Variants in CACNA2D3 observed in about 807,000 individuals in gnomAD.
The protein encoded by CACNA2D3 is voltage-dependent calcium channel subunit alpha-2/delta-3.
In CACNA2D3, 60 loss-of-function variants were observed where a neutral mutation model predicts 160.6. That is an observed-to-expected ratio of 0.37 (90% CI 0.30 to 0.46). The LOEUF is 0.46. Ranked by LOEUF, CACNA2D3 falls within the 20% of genes least tolerant of loss-of-function variation. The pLI is 1.00. For missense variants in CACNA2D3, 1,205 were observed against 1,365.0 expected (o/e 0.88, Z 1.85); for synonymous variants, 558 against 492.9 (o/e 1.13, Z -1.75).
intron 2 of CACNA2D3, among the ~76,000 whole-genome samples, chr3:54,233,173 T>C (rs1701808081): frequency 6.6e-6 from 1 of 152,320 alleles, no homozygotes; most frequent in African/African-American, 2.4e-5. Flanking sequence ...TAATACCATC[T>C]GATGCTTTTA....
chr3:54,638,070 TTC>T (rs1159912895), intron 10 of CACNA2D3: 2 of 151,876 alleles, frequency 1.3e-5, no homozygotes, highest in African/African-American at 2.4e-5. Context: ...TGCAACTTTT[TTC>T]TGTTATTTCA....
At chr3:54,130,864 G>A (rs1699691902) in intron 2 of CACNA2D3, among the ~76,000 whole-genome samples, 2 of 152,338 alleles carry the variant, frequency 1.3e-5, no homozygotes, top group South Asian at 4.1e-4. Context: ...AGAGGGCATA[G>A]CCTTGGAGTC....
intron 35 of CACNA2D3, among the ~76,000 whole-genome samples, chr3:55,055,570 C>T: frequency 6.6e-6 from 1 of 151,906 alleles, no homozygotes; most frequent in African/African-American, 2.4e-5. Context: ...AATTTTTTTT[C>T]TATTTCTACG....
intron 9 of CACNA2D3, among the ~76,000 whole-genome samples, chr3:54,616,012 G>A (rs769430440): frequency 1.4e-4 from 21 of 152,118 alleles, no homozygotes; most frequent in Non-Finnish European, 1.8e-4. Flanking sequence ...TTCATCCTTC[G>A]CCCTGCCCCG....
intron 27 of CACNA2D3, among the ~76,000 whole-genome samples, chr3:54,929,850 C>G (rs1226096198): frequency 2.0e-5 from 3 of 152,128 alleles, no homozygotes; most frequent in African/African-American, 7.2e-5. Flanking sequence ...TCAATGGCCC[C>G]CATTAGCATT....
In CACNA2D3 at chr3:54,765,122, C is replaced by G. The variant is rs569712958; in HGVS notation, c.1380+771C>G. Among the ~76,000 whole-genome samples the G allele has an allele frequency of 5.9e-5, 9 of 152,240 alleles. No individual in the cohort carries two copies. In the South Asian group the frequency reaches 1.9e-3, roughly 32 times the overall value. On this transcript the variant is annotated intron_variant, in intron 13 of 37. Transcript: ENST00000474759. ...TAACATCACATTAATCACTGTAACC[C>G]AGACACAGCTGTCCTCCAGAGTGAT...
chr3:55,062,342 G>C (rs1468611804), intron 35 of CACNA2D3, among the ~76,000 whole-genome samples: 2 of 150,224 alleles, frequency 1.3e-5, no homozygotes, highest in African/African-American at 4.9e-5. Flanking sequence ...TCAAACTCCT[G>C]GGGTTAAGCG....
At chr3:54,837,418 T>G (rs914408102) in intron 15 of CACNA2D3, among the ~76,000 whole-genome samples, 188 bp downstream of exon 15, 4 of 152,096 alleles carry the variant, frequency 2.6e-5, no homozygotes, top group Non-Finnish European at 5.9e-5. Context: ...TGGCATCATT[T>G]TAGAGTTGGC....
intron 17 of CACNA2D3, among the ~76,000 whole-genome samples, chr3:54,869,344 A>T (rs1160428402): frequency 6.6e-6 from 1 of 152,234 alleles, no homozygotes; most frequent in South Asian, 2.1e-4. Flanking sequence ...ATTATGGGCA[A>T]TAAATTGACC....
intron 18 of CACNA2D3, among the ~76,000 whole-genome samples, chr3:54,874,122 C>A (rs1446359954): frequency 6.6e-6 from 1 of 152,122 alleles, no homozygotes; most frequent in Non-Finnish European, 1.5e-5. Context: ...ACAGTTATAA[C>A]CTGCATACTT....
At position 54,476,243 on chromosome 3, in the gene CACNA2D3, T is replaced by A. The variant is rs1292849857; in HGVS notation, c.382-27249T>A. 6.0e-5 allele frequency among the ~76,000 whole-genome samples: 9 copies of A among 149,310 alleles called. No individual in the cohort carries two copies. In the South Asian group the frequency reaches 1.9e-3, roughly 31 times the overall value. On this transcript the variant is annotated intron_variant, in intron 4 of 37. Coordinates refer to ENST00000474759, the MANE Select transcript of CACNA2D3 (RefSeq NM_018398.3). ...ATATTAATTATATTAATATATAATATTCCTGCGTGTGTGTGTGTATATATA... is the reference window on the plus strand; with the variant it reads ...ATATTAATTATATTAATATATAATAATCCTGCGTGTGTGTGTGTATATATA...
At chr3:54,356,696 A>T (rs1414417358) in intron 3 of CACNA2D3, among the ~76,000 whole-genome samples, 1 of 152,220 alleles carries the variant, frequency 6.6e-6, no homozygotes, top group Non-Finnish European at 1.5e-5. Flanking sequence ...CACTCTAAAA[A>T]TACTGAACAA....
intron 13 of CACNA2D3, among the ~76,000 whole-genome samples, chr3:54,812,817 A>G (rs1276390390): frequency 6.6e-6 from 1 of 152,206 alleles, no homozygotes; most frequent in African/African-American, 2.4e-5. Flanking sequence ...TTGGTGAGAT[A>G]CTTAACCATT....
chr3:54,977,421 C>G (rs1026026812), intron 29 of CACNA2D3, among the ~76,000 whole-genome samples: 2 of 152,120 alleles, frequency 1.3e-5, no homozygotes, highest in African/African-American at 4.8e-5. Context: ...TTTCAATTGA[C>G]TTTATAATCT....
At chr3:54,938,054 C>T (rs1408148475) in intron 27 of CACNA2D3, among the ~76,000 whole-genome samples, 4 of 152,190 alleles carry the variant, frequency 2.6e-5, no homozygotes, top group Admixed American at 1.3e-4. Flanking sequence ...ATGAAATCCC[C>T]GTACACGTTT....
intron 2 of CACNA2D3, among the ~76,000 whole-genome samples, chr3:54,243,852 T>C (rs1463507968): frequency 6.6e-6 from 1 of 152,182 alleles, no homozygotes; most frequent in Non-Finnish European, 1.5e-5. Context: ...GAGTGGGTAA[T>C]GACACCAGCC....
At chr3:54,461,743 A>AT (rs1412504333) in intron 4 of CACNA2D3, among the ~76,000 whole-genome samples, 10 of 151,858 alleles carry the variant, frequency 6.6e-5, no homozygotes, top group Admixed American at 2.0e-4. Context: ...GGATTGATTA[A>AT]TTTTTTGAAG....
intron 2 of CACNA2D3, among the ~76,000 whole-genome samples, chr3:54,190,033 G>A (rs114748858): frequency 0.023 from 3,447 of 152,272 alleles, 62 homozygotes; most frequent in African/African-American, 0.049. Context: ...CTGAAAGTCC[G>A]AGATCAAGGG....
At chr3:54,880,890 C>T in intron 21 of CACNA2D3, 27 bp downstream of exon 21, 1 of 1,603,242 alleles carries the variant, frequency 6.2e-7, no homozygotes, top group Non-Finnish European at 8.5e-7. Flanking sequence ...CTCGTCTTAT[C>T]CTTTGGTGTG....
Sources: gnomAD v4.1 joint callset for allele counts (sites outside exome capture counted in the v4.1 genomes callset) on GRCh38, gnomAD v4.1.1 for gene constraint, MANE v1.5 for transcripts, NCBI Gene and HGNC (gene_info 2026-07-23, HGNC 2026-07-21) for gene names.